The following DTX2 variants were observed in gnomAD, a reference collection of about 807,000 sequenced individuals.
DTX2 encodes the protein deltex E3 ubiquitin ligase 2.
In DTX2, 29 loss-of-function variants were observed where a neutral mutation model predicts 55.3. The observed-to-expected ratio is 0.52, with a 90% confidence interval of 0.39 to 0.71. The LOEUF is 0.71. Among genes scored for constraint, DTX2 ranks in the 30% least tolerant of loss-of-function variants. The pLI, the probability that DTX2 is intolerant of heterozygous loss-of-function variation, is 0.00. For synonymous variants in DTX2, 276 were observed against 340.4 expected (o/e 0.81, Z 2.08); for missense variants, 537 against 822.5 (o/e 0.65, Z 4.25).
At position 76,483,011 on chromosome 7, in the gene DTX2, G is replaced by C; in HGVS notation, c.772G>C (p.Ala258Pro). The C allele has an allele frequency of 6.2e-7, 1 of 1,613,552 alleles. No individual in the cohort carries two copies. The highest frequency in any genetic ancestry group is 8.5e-7 in the Non-Finnish European group (1 of 1,179,718). ...NKPSLSGARS[A>P]PRLNTTNAWG... ...ACCCTCACTCTCCGGGGCCCGGTCT[G>C]CGCCCAGGCTGAACACCACCAACGC... The change falls in exon 4 of 11, where the codon GCG becomes CCG. Residue 258 changes from alanine to proline, a missense_variant. Coordinates refer to ENST00000430490, the MANE Select transcript of DTX2 (RefSeq NM_001102594.3).
Position 76,502,355 on chromosome 7 carries a change from G to T in DTX2, c.1288G>T (p.Asp430Tyr), listed in dbSNP as rs2116615592. Residue 430 changes from aspartate to tyrosine, a missense_variant, in exon 8 of 11, where the codon GAC (aspartate) becomes TAC (tyrosine). Asp to Tyr is a radical substitution (Grantham distance 160). This residue lies in a region of DTX2 where 121 missense variants were observed against 136.8 expected (regional missense o/e 0.88). Coordinates refer to ENST00000430490, the MANE Select transcript of DTX2 (RefSeq NM_001102594.3). ...AGCGTCTGGATACAGCGATGTGACT[G>T]ACAGCAAGGCAATCGGGTCCCTAGC... ...STASGYSDVTDSKAIGSLAVG... is the reference protein window; with the variant it reads ...STASGYSDVTYSKAIGSLAVG... The T allele has an allele frequency of 3.7e-6, 6 of 1,611,932 alleles. No individual in the cohort carries two copies. The highest frequency in any genetic ancestry group is 5.1e-6 in the Non-Finnish European group (6 of 1,179,626).
At chr7:76,495,387 G>A (rs910236284) in intron 5 of DTX2, among the ~76,000 whole-genome samples, 29 of 151,626 alleles carry the variant, frequency 1.9e-4, no homozygotes, top group Middle Eastern at 6.8e-3. Flanking sequence ...CTCTGACAGC[G>A]GGAATCCTCC....
At chr7:76,472,450 C>T (rs1285935272) in intron 2 of DTX2, among the ~76,000 whole-genome samples, 1 of 144,838 alleles carries the variant, frequency 6.9e-6, no homozygotes, top group African/African-American at 2.7e-5. Context: ...CCTCAGCTTC[C>T]CAGGTAGCTG....
intron 6 of DTX2, among the ~76,000 whole-genome samples, chr7:76,498,886 G>GGA (rs1811273965): frequency 1.2e-5 from 1 of 83,338 alleles, no homozygotes. Flanking sequence ...GTGGAGGTGT[G>GGA]GGGTGTATGG....
intron 2 of DTX2, chr7:76,478,337 A>G (rs1398213521): frequency 2.8e-5 from 4 of 144,790 alleles, no homozygotes; most frequent in Admixed American, 2.7e-4. Context: ...TGGAAGGGAG[A>G]CAGATGTGGA....
At chr7:76,503,797 G>C (rs1812014824) in intron 9 of DTX2, among the ~76,000 whole-genome samples, 1 of 150,320 alleles carries the variant, frequency 6.7e-6, no homozygotes, top group African/African-American at 2.4e-5. Flanking sequence ...GCAGCAAAAG[G>C]CTGGCCCTCC....
At chr7:76,469,394 CTTTT>C (rs145065555) in intron 2 of DTX2, among the ~76,000 whole-genome samples, 2 of 112,536 alleles carry the variant, frequency 1.8e-5, no homozygotes, top group Admixed American at 1.1e-4. Context: ...GTGAATATTC[CTTTT>C]TTTTTTTTTT....
chr7:76,501,382 G>A (rs1035696196), intron 7 of DTX2: 7 of 429,486 alleles, frequency 1.6e-5, no homozygotes, highest in African/African-American at 8.1e-5. Context: ...CCTGCCCAGC[G>A]CTCAGCTCTG....
chr7:76,494,788 C>G (rs1810742084), intron 5 of DTX2, among the ~76,000 whole-genome samples: 1 of 127,096 alleles, frequency 7.9e-6, no homozygotes, highest in Non-Finnish European at 1.7e-5. Context: ...CAATTCAAGG[C>G]CCAGTGTTGG....
chr7:76,502,953 C>T (rs4236507), intron 8 of DTX2: 3 of 212,972 alleles, frequency 1.4e-5, no homozygotes, highest in East Asian at 2.4e-4. Context: ...TGAAGAGCCG[C>T]GCCCAGACTG....
At chr7:76,469,360 A>ATTTT (rs67541833) in intron 2 of DTX2, among the ~76,000 whole-genome samples, 17 of 81,306 alleles carry the variant, frequency 2.1e-4, no homozygotes, top group African/African-American at 6.7e-4. Flanking sequence ...TGAAATCTAG[A>ATTTT]TTTTTTTTTT....
chr7:76,480,750 A>G lies in DTX2; in HGVS notation c.241A>G (p.Ser81Gly), dbSNP rs1182878048. ...SLAPYIIDLP[S>G]WTQFRQDTGT... ...GGCCCCTTACATTATTGACCTCCCCAGCTGGACCCAGTTCCGCCAGGACAC... is the reference window on the plus strand; with the variant it reads ...GGCCCCTTACATTATTGACCTCCCCGGCTGGACCCAGTTCCGCCAGGACAC... The change falls in exon 3 of 11, where the codon AGC (serine) becomes GGC (glycine). Residue 81 changes from serine (S) to glycine (G), a missense_variant. Transcript: ENST00000430490. The G allele has an allele frequency of 2.5e-6, 4 of 1,609,502 alleles. No individual in the cohort carries two copies. Among genetic ancestry groups the G allele is most frequent in the Non-Finnish European group, 3.4e-6 (4 of 1,177,360 alleles).
rs543043086 is a variant in DTX2, at chr7:76,481,836, T to G, written c.269-672T>G. 6.2e-4 allele frequency among the ~76,000 whole-genome samples: 21 copies of G among 33,950 alleles called. No homozygotes were observed. The South Asian group carries it at 0.017, about 27-fold the overall frequency. The allele number at this position is 33,950 out of a possible 152,430, so 22.3% of individuals were successfully genotyped here. A position where few individuals can be genotyped will look rare whatever the true frequency, so the allele number is the denominator to read the frequency against. ...TTAGTTTTATTTTTAAAAGTATGGG[T>G]TTTTTTTTTTCGTGTTTGTTTGTTT... On this transcript the variant is annotated intron_variant, in intron 3 of 10. Transcript: ENST00000430490.
chr7:76,499,412 C>G (rs1811384248), intron 6 of DTX2, among the ~76,000 whole-genome samples: 3 of 151,468 alleles, frequency 2.0e-5, no homozygotes, highest in South Asian at 2.1e-4. Flanking sequence ...CTCCCTGGCC[C>G]TTTTTGGTGT....
At chr7:76,504,652 C>G (rs997764942) in intron 10 of DTX2, among the ~76,000 whole-genome samples, 1 of 152,198 alleles carries the variant, frequency 6.6e-6, no homozygotes, top group Non-Finnish European at 1.5e-5. Context: ...GAGGCCATCA[C>G]CTTCCAGCAC....
rs138409926 is a variant in DTX2, at chr7:76,482,803, G to A, written c.564G>A (p.Pro188=). 5.0e-5 allele frequency: 81 copies of A among 1,613,710 alleles called. No homozygotes were observed. The African/African-American group carries it at 6.0e-4, about 12-fold the overall frequency. ...ACCCGGTGACCACCATCATCGCTCC[G>A]CCGGGCCACACAGGCGTCGCCTGCT... is the stretch of plus-strand genomic sequence containing the variant. ...PPYPVTTIIA[P]PGHTGVACSC... Residue 188 remains proline, a synonymous_variant, in exon 4 of 11, where the codon CCG becomes CCA. Transcript: ENST00000430490.
At chr7:76,468,463 T>A (rs1807445805) in intron 2 of DTX2, among the ~76,000 whole-genome samples, 1 of 100,044 alleles carries the variant, frequency 1.0e-5, no homozygotes, top group Non-Finnish European at 2.0e-5. Flanking sequence ...TTTTTTTTTT[T>A]TTTTTTTTTT....
At chr7:76,486,943 C>T (rs2116447700) in intron 4 of DTX2, among the ~76,000 whole-genome samples, 1 of 147,094 alleles carries the variant, frequency 6.8e-6, no homozygotes, top group Non-Finnish European at 1.5e-5. Context: ...TGTCTTTTGG[C>T]TTGTGGGATT....
At chr7:76,465,064 G>A (rs904189902) in intron 2 of DTX2, among the ~76,000 whole-genome samples, 3 of 150,376 alleles carry the variant, frequency 2.0e-5, no homozygotes, top group Admixed American at 6.6e-5. Flanking sequence ...TCAGCTTCCC[G>A]AGTAGCTGGA....
Sources: gnomAD v4.1 joint callset for allele counts (sites outside exome capture counted in the v4.1 genomes callset) on GRCh38, gnomAD v4.1.1 for gene constraint, gnomAD v4.1.1 regional missense constraint, MANE v1.5 for transcripts, NCBI Gene and HGNC (gene_info 2026-07-23, HGNC 2026-07-21) for gene names.